The following MYO1D variants were observed in gnomAD, a reference collection of about 807,000 sequenced individuals.
MYO1D encodes the protein unconventional myosin-Id.
MYO1D carries 83 observed loss-of-function variants against 122.0 expected under a neutral mutation model. The observed-to-expected ratio is 0.68, with a 90% CI of 0.57 to 0.82. The LOEUF is 0.82. Among genes scored for constraint, MYO1D ranks in the 40% least tolerant of loss-of-function variants. The pLI is 0.00. For missense variants in MYO1D, 1,157 were observed against 1,269.5 expected (o/e 0.91, Z 1.35); for synonymous variants, 464 against 446.9 (o/e 1.04, Z -0.48).
intron 16 of MYO1D, among the ~76,000 whole-genome samples, chr17:32,681,781 G>C (rs2088921209): frequency 7.4e-6 from 1 of 135,988 alleles, no homozygotes; most frequent in Non-Finnish European, 1.5e-5. Context: ...TTGGTGCAGA[G>C]CTGAGTTCAA....
intron 4 of MYO1D, among the ~76,000 whole-genome samples, chr17:32,774,033 G>C (rs1200757419): frequency 2.0e-5 from 3 of 152,048 alleles, no homozygotes; most frequent in African/African-American, 7.2e-5. Context: ...GGCTGAGCCA[G>C]GTCCCAATTC....
At chr17:32,567,270 C>T (rs1172907462) in intron 21 of MYO1D, among the ~76,000 whole-genome samples, 1 of 152,220 alleles carries the variant, frequency 6.6e-6, no homozygotes, top group African/African-American at 2.4e-5. Flanking sequence ...GAGAACACGA[C>T]TCAGCAAGTG....
chr17:32,662,605 G>C (rs1168931843), intron 16 of MYO1D, among the ~76,000 whole-genome samples: 2 of 152,090 alleles, frequency 1.3e-5, no homozygotes, highest in Non-Finnish European at 2.9e-5. Flanking sequence ...CCTGGGAAGG[G>C]GAGGCTGCAG....
intron 21 of MYO1D, among the ~76,000 whole-genome samples, chr17:32,574,309 A>G (rs1405351727): frequency 2.6e-5 from 4 of 152,028 alleles, no homozygotes; most frequent in Non-Finnish European, 4.4e-5. Flanking sequence ...TTGTATCACT[A>G]CTAGCAAAGA....
intron 20 of MYO1D, chr17:32,632,568 TATATATATATATATATATAC>T (rs1421052407): frequency 6.4e-5 from 3 of 46,898 alleles, no homozygotes; most frequent in Non-Finnish European, 1.2e-4. Flanking sequence ...AAGTACTATA[TATATATATATATATATATAC>T]ACACACACAC....
chr17:32,782,381 G>A (rs1172646105), intron 1 of MYO1D, among the ~76,000 whole-genome samples: 4 of 152,090 alleles, frequency 2.6e-5, no homozygotes, highest in Non-Finnish European at 5.9e-5. Flanking sequence ...TGCTCACATT[G>A]CAAACTCAAT....
At chr17:32,825,624 T>G (rs146555038) in intron 1 of MYO1D, among the ~76,000 whole-genome samples, 129 of 152,328 alleles carry the variant, frequency 8.5e-4, no homozygotes, top group African/African-American at 3.0e-3. Flanking sequence ...CACATGCTCA[T>G]ATGCGCAGAG....
intron 21 of MYO1D, among the ~76,000 whole-genome samples, chr17:32,593,760 A>G (rs969854573): frequency 6.6e-6 from 1 of 152,226 alleles, no homozygotes; most frequent in Non-Finnish European, 1.5e-5. Flanking sequence ...ACATAGTGAA[A>G]CCCCATCTCT....
chr17:32,615,078 C>A (rs566387028), intron 20 of MYO1D, among the ~76,000 whole-genome samples: 11 of 152,196 alleles, frequency 7.2e-5, no homozygotes, highest in African/African-American at 2.7e-4. Flanking sequence ...AATAAAGTAG[C>A]GGTCGTTTCA....
At chr17:32,564,897 A>AC (rs908444780) in intron 21 of MYO1D, among the ~76,000 whole-genome samples, 3 of 151,918 alleles carry the variant, frequency 2.0e-5, no homozygotes, top group Non-Finnish European at 2.9e-5. Context: ...GAAACAGCAT[A>AC]CCCCCCATCT....
At chr17:32,679,500 C>T (rs956877556) in intron 16 of MYO1D, among the ~76,000 whole-genome samples, 1 of 151,916 alleles carries the variant, frequency 6.6e-6, no homozygotes, top group African/African-American at 2.4e-5. Flanking sequence ...TTCCCAGCAC[C>T]ATTTATTAAA....
intron 20 of MYO1D, among the ~76,000 whole-genome samples, chr17:32,609,419 C>T (rs115218514): frequency 1.3e-4 from 20 of 152,256 alleles, no homozygotes; most frequent in African/African-American, 4.3e-4. Flanking sequence ...GATCCCTGTT[C>T]TTGGGGGATT....
At chr17:32,520,478 C>G (rs1910096026) in intron 21 of MYO1D, among the ~76,000 whole-genome samples, 1 of 152,242 alleles carries the variant, frequency 6.6e-6, no homozygotes, top group Non-Finnish European at 1.5e-5. Context: ...TCTTTTTATC[C>G]ATCAGGCAAA....
chr17:32,706,529 G>A (rs578236472), intron 16 of MYO1D, among the ~76,000 whole-genome samples: 1 of 152,286 alleles, frequency 6.6e-6, no homozygotes, highest in South Asian at 2.1e-4. Flanking sequence ...GGAATTGACT[G>A]TAGAATAAAA....
At chr17:32,507,751 T>C (rs970402200) in intron 21 of MYO1D, among the ~76,000 whole-genome samples, 13 of 152,176 alleles carry the variant, frequency 8.5e-5, no homozygotes, top group Admixed American at 7.9e-4. Flanking sequence ...AATGAGGTCA[T>C]AGGAGCAGGG....
At chr17:32,865,546 G>A (rs762942489) in intron 1 of MYO1D, among the ~76,000 whole-genome samples, 4 of 152,184 alleles carry the variant, frequency 2.6e-5, no homozygotes, top group African/African-American at 9.7e-5. Flanking sequence ...ATCTATTCCA[G>A]GAGGTTCTTT....
At chr17:32,850,097 A>G (rs1783809072) in intron 1 of MYO1D, among the ~76,000 whole-genome samples, 1 of 152,192 alleles carries the variant, frequency 6.6e-6, no homozygotes, top group Non-Finnish European at 1.5e-5. Flanking sequence ...TGGCATAAAA[A>G]TCATCAGTCT....
At chr17:32,793,547 GTTCTAACCAC>G (rs1310146596) in intron 1 of MYO1D, among the ~76,000 whole-genome samples, 1 of 152,100 alleles carries the variant, frequency 6.6e-6, no homozygotes, top group Non-Finnish European at 1.5e-5. Flanking sequence ...CACATAGACA[GTTCTAACCAC>G]TTCTTGGTTT....
intron 1 of MYO1D, among the ~76,000 whole-genome samples, chr17:32,874,189 T>C (rs2091206714): frequency 6.6e-6 from 1 of 152,190 alleles, no homozygotes; most frequent in East Asian, 1.9e-4. Flanking sequence ...ATTTCTATAA[T>C]TACTTGACAA....
Sources: gnomAD v4.1 joint callset for allele counts (sites outside exome capture counted in the v4.1 genomes callset) on GRCh38, gnomAD v4.1.1 for gene constraint, MANE v1.5 for transcripts, NCBI Gene and HGNC (gene_info 2026-07-23, HGNC 2026-07-21) for gene names.